SRGAP3: variants seen among roughly 807,000 people sequenced by gnomAD.
The protein encoded by SRGAP3 is SLIT-ROBO Rho GTPase-activating protein 3.
In SRGAP3, 39 loss-of-function variants were observed where a neutral mutation model predicts 121.1. That is an observed-to-expected ratio of 0.32 (90% CI 0.25 to 0.42). The LOEUF (loss-of-function observed/expected upper bound fraction) is 0.42. Ranked by LOEUF, SRGAP3 falls within the 10% of genes least tolerant of loss-of-function variation. The pLI is 1.00. For missense variants in SRGAP3, 1,213 were observed against 1,470.6 expected (o/e 0.82, Z 2.86); for synonymous variants, 601 against 570.0 (o/e 1.05, Z -0.77).
intron 2 of SRGAP3, among the ~76,000 whole-genome samples, chr3:9,118,147 T>C (rs1948871870): frequency 6.6e-6 from 1 of 152,032 alleles, no homozygotes; most frequent in Non-Finnish European, 1.5e-5. Flanking sequence ...TAAGTAAATA[T>C]GTAAATAAAT....
chr3:9,169,782 T>TG (rs1950912244), intron 1 of SRGAP3, among the ~76,000 whole-genome samples: 1 of 152,168 alleles, frequency 6.6e-6, no homozygotes, highest in South Asian at 2.1e-4. Flanking sequence ...ATCACTAAAT[T>TG]GGAGTTCCCT....
At chr3:9,312,286 C>G (rs916497188) in intron 3 of SRGAP3, among the ~76,000 whole-genome samples, 3 of 152,162 alleles carry the variant, frequency 2.0e-5, no homozygotes, top group African/African-American at 7.2e-5. Flanking sequence ...TCCCAGGTAG[C>G]TGGGACTACA....
intron 1 of SRGAP3, among the ~76,000 whole-genome samples, chr3:9,166,474 A>C (rs1377754468): frequency 6.6e-6 from 1 of 151,948 alleles, no homozygotes; most frequent in African/African-American, 2.4e-5. Context: ...AAGGATGCCC[A>C]TGTGACTAAG....
intron 6 of SRGAP3, 39 bp from the exon 7 acceptor site, chr3:9,058,511 C>A: frequency 6.2e-7 from 1 of 1,601,438 alleles, no homozygotes; most frequent in Non-Finnish European, 8.5e-7. Context: ...TGGGTGACAG[C>A]CAGGATGTGG....
intron 14 of SRGAP3, among the ~76,000 whole-genome samples, chr3:9,017,882 T>C (rs958515322): frequency 6.6e-6 from 1 of 152,246 alleles, no homozygotes; most frequent in Non-Finnish European, 1.5e-5. Flanking sequence ...CTCTTCTAGT[T>C]ACTTTGAAAT....
intron 3 of SRGAP3, among the ~76,000 whole-genome samples, chr3:9,290,038 G>T (rs1289363554): frequency 6.6e-6 from 1 of 152,110 alleles, no homozygotes; most frequent in African/African-American, 2.4e-5. Context: ...TTGAACTCAG[G>T]AGGCAGGGGT....
chr3:9,215,149 G>A (rs1343461620), intron 1 of SRGAP3, among the ~76,000 whole-genome samples: 1 of 152,190 alleles, frequency 6.6e-6, no homozygotes, highest in Non-Finnish European at 1.5e-5. Flanking sequence ...TCAAAAGAAA[G>A]AGAATGAGAA....
intron 1 of SRGAP3, among the ~76,000 whole-genome samples, chr3:9,220,376 G>T (rs113808477): frequency 6.6e-6 from 1 of 152,148 alleles, no homozygotes; most frequent in Non-Finnish European, 1.5e-5. Flanking sequence ...TCGAAGTCCT[G>T]CATGTAGTCC....
At chr3:8,991,340 C>A (rs186356314) in intron 20 of SRGAP3, among the ~76,000 whole-genome samples, 6 of 152,294 alleles carry the variant, frequency 3.9e-5, no homozygotes, top group Non-Finnish European at 7.4e-5. Context: ...CGTTGCCACC[C>A]AACCCCCAAT....
intron 14 of SRGAP3, among the ~76,000 whole-genome samples, chr3:9,024,556 A>C (rs981396974): frequency 6.6e-6 from 1 of 152,126 alleles, no homozygotes; most frequent in Non-Finnish European, 1.5e-5. Context: ...ATCTGTTCCT[A>C]TCAGGGATTC....
chr3:8,987,748 T>C (rs1405893641), intron 21 of SRGAP3, among the ~76,000 whole-genome samples: 1 of 134,310 alleles, frequency 7.4e-6, no homozygotes, highest in African/African-American at 3.7e-5. Flanking sequence ...AGAAAGGGTG[T>C]TTTGTGCCTT....
At chr3:9,140,272 G>A (rs1381413882) in intron 1 of SRGAP3, among the ~76,000 whole-genome samples, 6 of 152,066 alleles carry the variant, frequency 3.9e-5, no homozygotes, top group South Asian at 4.1e-4. Flanking sequence ...GCACATTCAC[G>A]CAATAAACTC....
intron 3 of SRGAP3, among the ~76,000 whole-genome samples, chr3:9,296,151 A>C (rs1466977944): frequency 6.6e-6 from 1 of 152,224 alleles, no homozygotes; most frequent in Admixed American, 6.5e-5. Context: ...TTTTGTGTAC[A>C]TACCCAGAAG....
intron 3 of SRGAP3, among the ~76,000 whole-genome samples, chr3:9,294,723 T>C (rs1323593889): frequency 6.6e-6 from 1 of 151,248 alleles, no homozygotes; most frequent in Non-Finnish European, 1.5e-5. Context: ...TGTGTGTGTG[T>C]GTGTGTGTGT....
At chr3:9,211,365 T>C (rs1166599483) in intron 1 of SRGAP3, among the ~76,000 whole-genome samples, 1 of 152,168 alleles carries the variant, frequency 6.6e-6, no homozygotes, top group Non-Finnish European at 1.5e-5. Flanking sequence ...CCAAGTTCTG[T>C]CTTTCTTTCT....
chr3:9,070,711 A>G (rs901248680), intron 4 of SRGAP3, among the ~76,000 whole-genome samples: 2 of 152,152 alleles, frequency 1.3e-5, no homozygotes, highest in African/African-American at 4.8e-5. Flanking sequence ...GTACAGTTCT[A>G]TTGCCTGTGT....
chr3:9,261,381 G>T (rs146303076), intron 3 of SRGAP3, among the ~76,000 whole-genome samples: 1,976 of 152,104 alleles, frequency 0.013, 46 homozygotes, highest in African/African-American at 0.045. Flanking sequence ...GCTTCAGAAG[G>T]TGGGTAATAA....
intron 2 of SRGAP3, among the ~76,000 whole-genome samples, chr3:9,116,173 C>G (rs1302853767): frequency 1.3e-5 from 2 of 152,180 alleles, no homozygotes; most frequent in African/African-American, 4.8e-5. Flanking sequence ...CACTACCTCC[C>G]CAGGCAGCCC....
chr3:9,066,325 G>C (rs1223020340), intron 4 of SRGAP3, among the ~76,000 whole-genome samples: 2 of 152,140 alleles, frequency 1.3e-5, no homozygotes, highest in Non-Finnish European at 2.9e-5. Flanking sequence ...CTGTGGCTTG[G>C]ATTACTGTAA....
Sources: allele counts gnomAD v4.1 joint callset (sites outside exome capture counted in the v4.1 genomes callset), GRCh38; gene constraint gnomAD v4.1.1; transcripts MANE v1.5; gene names NCBI Gene and HGNC (gene_info 2026-07-23, HGNC 2026-07-21).